ABAT: variants seen among roughly 807,000 people sequenced by gnomAD.
The protein encoded by ABAT is 4-aminobutyrate aminotransferase.
ABAT carries 45 observed loss-of-function variants against 64.6 expected under a neutral mutation model. The observed-to-expected ratio is 0.70, with a 90% CI of 0.55 to 0.89. The LOEUF (loss-of-function observed/expected upper bound fraction) is 0.89, where lower values mean the gene tolerates loss of function less well. ABAT is among the 40% of genes least tolerant of loss of function. ABAT has a pLI of 0.00. For missense variants in ABAT, 633 were observed against 658.4 expected, an observed-to-expected ratio of 0.96 and a Z score of 0.42; for synonymous variants, 297 against 250.5, an observed-to-expected ratio of 1.19 and a Z score of -1.75.
intron 1 of ABAT, among the ~76,000 whole-genome samples, chr16:8,698,906 A>G (rs1235350230): frequency 6.6e-6 from 1 of 152,200 alleles, no homozygotes; most frequent in African/African-American, 2.4e-5. Context: ...AGATTGCGCC[A>G]CTGCACTCCA....
At chr16:8,735,656 G>T in intron 1 of ABAT, 43 bp from the exon 2 acceptor site, 3 of 1,483,496 alleles carry the variant, frequency 2.0e-6, no homozygotes, top group Non-Finnish European at 2.7e-6. Flanking sequence ...TGAGAGGGGA[G>T]TGGTCTTCAT....
chr16:8,741,652 T>A (rs1027241858), intron 2 of ABAT, among the ~76,000 whole-genome samples: 1 of 152,224 alleles, frequency 6.6e-6, no homozygotes, highest in African/African-American at 2.4e-5. Context: ...CCCTTCAATT[T>A]TTGTTCTGTT....
At chr16:8,759,656 G>T (rs1449528942) in intron 6 of ABAT, among the ~76,000 whole-genome samples, 2 of 152,130 alleles carry the variant, frequency 1.3e-5, no homozygotes, top group Admixed American at 6.6e-5. Context: ...GGGACTACAG[G>T]TGCCCACCAC....
chr16:8,742,865 C>CAA (rs71152927), intron 2 of ABAT, among the ~76,000 whole-genome samples: 1,117 of 96,674 alleles, frequency 0.012, 43 homozygotes, highest in African/African-American at 0.039. Flanking sequence ...GACCCTGTCT[C>CAA]AAAAAAAAAA....
intron 1 of ABAT, among the ~76,000 whole-genome samples, chr16:8,692,934 A>G (rs1206909501): frequency 6.6e-6 from 1 of 152,116 alleles, no homozygotes; most frequent in East Asian, 1.9e-4. Context: ...GCTCACTGCA[A>G]TCTCCACCTC....
rs200844116 is a variant in ABAT at position 8,779,465 on chromosome 16, T to C, written c.1270-14T>C. 48 of 1,612,028 alleles carry C rather than the reference T, an allele frequency of 3.0e-5. No individual in the cohort carries two copies. In the African/African-American group the frequency reaches 6.0e-4, roughly 20 times the overall value. On this transcript the variant is annotated splice_polypyrimidine_tract_variant and intron_variant, in intron 14 of 15. Coordinates refer to ENST00000268251, the MANE Select transcript of ABAT (RefSeq NM_020686.6). The stretch of plus-strand genomic sequence containing the variant: ...GATGGGCTTTGACGCCAGCCTTGTC[T>C]CCTCCCACTACAGGCCCGGTACCCC...
At chr16:8,676,585 C>A (rs1449486097) in intron 1 of ABAT, among the ~76,000 whole-genome samples, 2 of 152,176 alleles carry the variant, frequency 1.3e-5, no homozygotes, top group Admixed American at 6.5e-5. Context: ...TTACCCCGTG[C>A]GATCTTTGTG....
At chr16:8,685,943 G>C (rs1404071712) in intron 1 of ABAT, among the ~76,000 whole-genome samples, 1 of 152,212 alleles carries the variant, frequency 6.6e-6, no homozygotes, top group African/African-American at 2.4e-5. Context: ...TGAATGGAGA[G>C]TAGACAGACA....
intron 1 of ABAT, among the ~76,000 whole-genome samples, chr16:8,696,802 G>T (rs1010371686): frequency 6.6e-6 from 1 of 152,108 alleles, no homozygotes; most frequent in Non-Finnish European, 1.5e-5. Context: ...TCTTGGACAG[G>T]CCTCTTCAAG....
chr16:8,725,945 C>T (rs947067909), intron 1 of ABAT, among the ~76,000 whole-genome samples: 1 of 152,150 alleles, frequency 6.6e-6, no homozygotes, highest in African/African-American at 2.4e-5. Flanking sequence ...CTCCCCAGCT[C>T]AGTGACCCCA....
rs2060447710 is a variant in ABAT, at chr16:8,781,896, T to A, written c.*466T>A. 3.2e-6 allele frequency: 1 copy of A among 309,124 alleles called. No homozygotes were observed. Among genetic ancestry groups the A allele is most frequent in the Admixed American group, 4.4e-5 (1 of 22,780 alleles). The allele number at this position is 309,124 out of a possible 1,614,324, so 19.1% of individuals were successfully genotyped here. On this transcript the variant is annotated 3_prime_UTR_variant, in exon 16 of 16. Transcript: ENST00000268251. The surrounding 1 kb of genome is among the most constrained non-coding windows in gnomAD (Gnocchi z 4.5). ...TGCAAGCAAACACACTCTCACCTCC[T>A]CTCCCAGCCTCCCGGAGCTCTGAGC...
At chr16:8,707,455 G>C (rs1042091887) in intron 1 of ABAT, among the ~76,000 whole-genome samples, 1 of 150,464 alleles carries the variant, frequency 6.6e-6, no homozygotes, top group Non-Finnish European at 1.5e-5. Flanking sequence ...CCAAAGAGCT[G>C]GGATTACAGG....
chr16:8,692,772 G>A (rs994709335), intron 1 of ABAT, among the ~76,000 whole-genome samples: 4 of 152,170 alleles, frequency 2.6e-5, no homozygotes, highest in African/African-American at 9.6e-5. Flanking sequence ...CGGGGGTTCG[G>A]CTACCTGGCT....
intron 1 of ABAT, among the ~76,000 whole-genome samples, chr16:8,712,608 C>A (rs1342981378): frequency 1.3e-5 from 2 of 152,178 alleles, no homozygotes; most frequent in African/African-American, 4.8e-5. Flanking sequence ...ATCAACAGAT[C>A]TGCTTTGTGG....
chr16:8,700,782 TA>T (rs2142021736), intron 1 of ABAT, among the ~76,000 whole-genome samples: 1 of 152,066 alleles, frequency 6.6e-6, no homozygotes, highest in African/African-American at 2.4e-5. Context: ...ATTTTTTTTT[TA>T]AATTTAGAGA....
rs1182574273 is a variant in ABAT, at chr16:8,743,423, TTATATA to T, written c.71-2561_71-2556del. 8.8e-4 allele frequency among the ~76,000 whole-genome samples: 40 copies of T among 45,274 alleles called. 3 individuals are homozygous for T. In the South Asian group the frequency reaches 0.013, roughly 15 times the overall value. 29.7% of individuals were successfully genotyped at this position (45,274 alleles called of 152,430 possible). A position where few individuals can be genotyped will look rare whatever the true frequency, so the allele number is the denominator to read the frequency against. ...GTCCCCTCTTGTGTAATGGAAACAGTTATATATATATATATATATATACACACATTT... is the reference window on the plus strand; with the variant it reads ...GTCCCCTCTTGTGTAATGGAAACAGTTATATATATATATATACACACATTT... On this transcript the variant is annotated intron_variant, in intron 2 of 15. Coordinates refer to ENST00000268251, the MANE Select transcript of ABAT (RefSeq NM_020686.6).
intron 1 of ABAT, among the ~76,000 whole-genome samples, chr16:8,728,311 A>G (rs896281302): frequency 2.6e-5 from 4 of 152,202 alleles, no homozygotes; most frequent in Non-Finnish European, 5.9e-5. Flanking sequence ...ATATTTTCCA[A>G]TGTGACATTT....
chr16:8,735,098 C>T (rs934472466), intron 1 of ABAT, among the ~76,000 whole-genome samples: 2 of 144,708 alleles, frequency 1.4e-5, no homozygotes, highest in African/African-American at 5.2e-5. Context: ...CCCAGCTACT[C>T]AGGAGGCTGA....
intron 2 of ABAT, among the ~76,000 whole-genome samples, chr16:8,738,020 A>AGAAAGAAAG (rs2059031025): frequency 3.2e-5 from 4 of 126,356 alleles, no homozygotes; most frequent in Admixed American, 2.4e-4. Flanking sequence ...AAGAAAGGAA[A>AGAAAGAAAG]GAAAGAAAGA....
Sources: gnomAD v4.1 joint callset for allele counts (sites outside exome capture counted in the v4.1 genomes callset) on GRCh38, gnomAD v4.1.1 for gene constraint, Gnocchi (gnomAD v3.1) non-coding constraint, MANE v1.5 for transcripts, NCBI Gene and HGNC (gene_info 2026-07-23, HGNC 2026-07-21) for gene names.